KCNMA1: variants seen among roughly 807,000 people sequenced by gnomAD.
The protein encoded by KCNMA1 is Calcium-activated potassium channel subunit alpha-1.
KCNMA1 carries 29 observed loss-of-function variants against 140.0 expected under a neutral mutation model. That is an observed-to-expected ratio of 0.21 (90% CI 0.15 to 0.28). The LOEUF (loss-of-function observed/expected upper bound fraction) is 0.28, where lower values mean the gene tolerates loss of function less well. Among genes scored for constraint, KCNMA1 ranks in the 10% least tolerant of loss-of-function variants. KCNMA1 has a pLI of 1.00. For synonymous variants in KCNMA1, 612 were observed against 611.9 expected (o/e 1.00, Z 0.00); for missense variants, 880 against 1,602.2 (o/e 0.55, Z 7.70).
At chr10:77,539,910 C>T (rs2059798281) in intron 1 of KCNMA1, among the ~76,000 whole-genome samples, 1 of 152,220 alleles carries the variant, frequency 6.6e-6, no homozygotes, top group Non-Finnish European at 1.5e-5. Flanking sequence ...CACAGACTCC[C>T]ACCTGTCCTC....
intron 1 of KCNMA1, among the ~76,000 whole-genome samples, chr10:77,558,907 T>C (rs1353107227): frequency 6.6e-6 from 1 of 152,122 alleles, no homozygotes; most frequent in African/African-American, 2.4e-5. Context: ...TTCTAATGAG[T>C]CTTTCTTTAA....
chr10:77,215,065 G>A (rs1352763914), intron 3 of KCNMA1, among the ~76,000 whole-genome samples: 1 of 152,020 alleles, frequency 6.6e-6, no homozygotes, highest in Non-Finnish European at 1.5e-5. Context: ...TTCTTAAACT[G>A]AACATATCCA....
intron 1 of KCNMA1, among the ~76,000 whole-genome samples, chr10:77,562,039 T>A (rs1480459016): frequency 6.6e-6 from 1 of 152,192 alleles, no homozygotes; most frequent in Admixed American, 6.5e-5. Flanking sequence ...GTCAGAGAAC[T>A]AGTAAATGAC....
chr10:77,003,812 G>A (rs935930714), intron 18 of KCNMA1, among the ~76,000 whole-genome samples: 2 of 152,114 alleles, frequency 1.3e-5, no homozygotes, highest in African/African-American at 4.8e-5. Context: ...ATAAGGGGAG[G>A]GATGATGGGG....
intron 1 of KCNMA1, among the ~76,000 whole-genome samples, chr10:77,447,597 C>G (rs969825765): frequency 2.0e-5 from 3 of 152,202 alleles, no homozygotes; most frequent in African/African-American, 7.2e-5. Context: ...AATAAATATG[C>G]CATCACAAGA....
At chr10:77,070,818 T>C (rs1302956718) in intron 14 of KCNMA1, among the ~76,000 whole-genome samples, 1 of 152,146 alleles carries the variant, frequency 6.6e-6, no homozygotes. Context: ...TGGAGGTAAG[T>C]ACACAAAGAT....
chr10:77,043,843 A>T (rs1331517086), intron 14 of KCNMA1, among the ~76,000 whole-genome samples: 1 of 152,126 alleles, frequency 6.6e-6, no homozygotes, highest in Non-Finnish European at 1.5e-5. Context: ...TTGCAGGGAG[A>T]GGGAATGAGG....
chr10:77,088,576 C>T (rs534717538), intron 10 of KCNMA1, among the ~76,000 whole-genome samples: 2 of 152,176 alleles, frequency 1.3e-5, no homozygotes, highest in South Asian at 2.1e-4. Flanking sequence ...GCTACAGGCA[C>T]GTGCCCCTAT....
chr10:76,896,150 T>C (rs890876223), intron 25 of KCNMA1, among the ~76,000 whole-genome samples: 1 of 152,164 alleles, frequency 6.6e-6, no homozygotes, highest in Non-Finnish European at 1.5e-5. Context: ...GAGTGTTTCA[T>C]CCCTTATCTG....
At chr10:77,096,395 C>T (rs904264292) in intron 9 of KCNMA1, among the ~76,000 whole-genome samples, 2 of 152,266 alleles carry the variant, frequency 1.3e-5, no homozygotes, top group South Asian at 2.1e-4. Context: ...CTTATCTAGA[C>T]ATCTGCAATC....
intron 1 of KCNMA1, among the ~76,000 whole-genome samples, chr10:77,488,521 C>T (rs890070248): frequency 1.3e-5 from 2 of 152,180 alleles, no homozygotes; most frequent in Non-Finnish European, 2.9e-5. Context: ...CCAGCATCCC[C>T]TTCTGATCTG....
At chr10:77,495,755 G>A (rs1319268114) in intron 1 of KCNMA1, among the ~76,000 whole-genome samples, 1 of 152,158 alleles carries the variant, frequency 6.6e-6, no homozygotes, top group Admixed American at 6.5e-5. Flanking sequence ...TCTGGTCCCA[G>A]CCCAAGGGGT....
At chr10:77,083,501 T>TAA (rs35527205) in intron 12 of KCNMA1, among the ~76,000 whole-genome samples, 8,546 of 91,112 alleles carry the variant, frequency 0.094, 439 homozygotes, top group East Asian at 0.3. Flanking sequence ...AGATGTTCTG[T>TAA]AAAAAAAAAA....
rs60249347 is a variant in KCNMA1, at chr10:77,127,071, AACACACACACACACACACACACACAC to A, written c.809-6049_809-6024del. Among the ~76,000 whole-genome samples the A allele has an allele frequency of 2.8e-3, 417 of 146,482 alleles. 1 individual carries two copies. The highest frequency in any genetic ancestry group is 9.8e-3 in the African/African-American group (389 of 39,592). On this transcript the variant is annotated intron_variant, in intron 5 of 27. Coordinates refer to ENST00000286628, the MANE Select transcript of KCNMA1 (RefSeq NM_001161352.2). Reference sequence around the variant, plus strand: ...TAGAAAGCCCAGAAACACACACACAAACACACACACACACACACACACACACACACACACACACACACACACACAGA... The same window carrying A: ...TAGAAAGCCCAGAAACACACACACAAACACACACACACACACACACACAGA...
chr10:77,452,378 G>T (rs979508846), intron 1 of KCNMA1, among the ~76,000 whole-genome samples: 2 of 152,184 alleles, frequency 1.3e-5, no homozygotes. Flanking sequence ...AGCTGGGAAT[G>T]GGGGGTTAAC....
intron 2 of KCNMA1, among the ~76,000 whole-genome samples, chr10:77,293,844 A>T (rs1202816266): frequency 6.6e-6 from 1 of 152,264 alleles, no homozygotes; most frequent in African/African-American, 2.4e-5. Context: ...CTAATCTGGC[A>T]TTTAGGTTGT....
chr10:77,518,764 A>G (rs1025158707), intron 1 of KCNMA1, among the ~76,000 whole-genome samples: 3 of 152,194 alleles, frequency 2.0e-5, no homozygotes, highest in African/African-American at 7.2e-5. Context: ...TGAGTCAATT[A>G]GGAGGACATG....
rs1023763222 is a variant in KCNMA1, at chr10:76,878,486, G to T, written c.3428-596C>A. On this transcript the variant is annotated intron_variant, in intron 29 of 29. Transcript: ENST00000372403. The stretch of plus-strand genomic sequence containing the variant: ...GGTCTAAACTAAACCCATAGATTTT[G>T]CTGGCCAAAAATCTATGAAAATCAG... 2.6e-5 allele frequency among the ~76,000 whole-genome samples: 4 copies of T among 152,066 alleles called. 1 individual carries two copies. The East Asian group carries it at 7.7e-4, about 29-fold the overall frequency.
chr10:77,586,972 A>G (rs1379236526), intron 1 of KCNMA1: 1 of 152,264 alleles, frequency 6.6e-6, no homozygotes, highest in Non-Finnish European at 1.5e-5. Context: ...GTTTACAACC[A>G]GGATGGTTGG....
Sources: gnomAD v4.1 joint callset for allele counts (sites outside exome capture counted in the v4.1 genomes callset) on GRCh38, gnomAD v4.1.1 for gene constraint, MANE v1.5 for transcripts, NCBI Gene and HGNC (gene_info 2026-07-23, HGNC 2026-07-21) for gene names.